The following LRP1B variants were observed in gnomAD, a reference collection of about 807,000 sequenced individuals.
The protein encoded by LRP1B is LDL receptor related protein 1B.
LRP1B carries 217 observed loss-of-function variants against 556.6 expected under a neutral mutation model. That is an observed-to-expected ratio of 0.39 (90% CI 0.35 to 0.44). The LOEUF is 0.44. LRP1B is among the 20% of genes least tolerant of loss of function. The pLI, the probability that LRP1B is intolerant of heterozygous loss-of-function variation, is 1.00. For synonymous variants in LRP1B, 2,047 were observed against 1,865.8 expected (o/e 1.10, Z -2.50); for missense variants, 5,053 against 5,620.8 (o/e 0.90, Z 3.23).
chr2:141,221,506 CAA>C (rs1340597100), intron 6 of LRP1B, among the ~76,000 whole-genome samples: 1 of 151,762 alleles, frequency 6.6e-6, no homozygotes, highest in Non-Finnish European at 1.5e-5. Flanking sequence ...TGAGATAAAA[CAA>C]AAATATTAGA....
In LRP1B at chr2:140,348,495, T is replaced by G. The variant is rs138697732; in HGVS notation, c.11892+2302A>C. On this transcript the variant is annotated intron_variant, in intron 77 of 90. Transcript: ENST00000389484. ...AGTAGAAAATGCACTCCTACTGTTATGCATTTTTCTTCTTTGTGAGTGCTA... is the reference window on the plus strand; with the variant it reads ...AGTAGAAAATGCACTCCTACTGTTAGGCATTTTTCTTCTTTGTGAGTGCTA... 1.4e-3 allele frequency among the ~76,000 whole-genome samples: 218 copies of G among 152,216 alleles called. 1 individual carries two copies. Among genetic ancestry groups the G allele is most frequent in the African/African-American group, 4.7e-3 (194 of 41,574 alleles).
At chr2:141,129,431 G>A (rs2105021760) in intron 7 of LRP1B, among the ~76,000 whole-genome samples, 1 of 152,208 alleles carries the variant, frequency 6.6e-6, no homozygotes, top group African/African-American at 2.4e-5. Context: ...GGAAGAACTT[G>A]TCCAGTCAGA....
chr2:141,271,143 C>T (rs1685075735), intron 3 of LRP1B, among the ~76,000 whole-genome samples: 1 of 151,574 alleles, frequency 6.6e-6, no homozygotes, highest in Non-Finnish European at 1.5e-5. Context: ...TTTCATAGTA[C>T]ATTTTAACTA....
chr2:140,595,746 T>A (rs913199884), intron 43 of LRP1B, among the ~76,000 whole-genome samples: 1 of 152,128 alleles, frequency 6.6e-6, no homozygotes, highest in African/African-American at 2.4e-5. Context: ...GCACATGTAC[T>A]CCCTGAATCT....
At chr2:140,370,957 C>G (rs1682967811) in intron 70 of LRP1B, 115 bp from the exon 71 acceptor site, 1 of 1,155,472 alleles carries the variant, frequency 8.7e-7, no homozygotes, top group African/African-American at 1.6e-5. Flanking sequence ...GGCTTTCTTT[C>G]ATTTTGTCTT....
At chr2:140,577,168 A>C (rs6732761) in intron 43 of LRP1B, among the ~76,000 whole-genome samples, 64,344 of 151,846 alleles carry the variant, frequency 0.42, 13,920 homozygotes, top group Middle Eastern at 0.58. Context: ...TTGAAAGTTA[A>C]GCCAAGTACA....
chr2:140,299,002 C>T (rs1198205353), intron 83 of LRP1B, among the ~76,000 whole-genome samples: 3 of 152,054 alleles, frequency 2.0e-5, no homozygotes, highest in Non-Finnish European at 4.4e-5. Context: ...CAATATCACT[C>T]AGTTGACTAG....
intron 2 of LRP1B, among the ~76,000 whole-genome samples, chr2:141,740,839 A>G (rs1488482196): frequency 6.6e-6 from 1 of 152,118 alleles, no homozygotes; most frequent in Non-Finnish European, 1.5e-5. Flanking sequence ...AGCAAATCAG[A>G]TTGAAAATGT....
chr2:140,352,973 T>A lies in LRP1B; in HGVS notation c.11630A>T (p.Asn3877Ile), dbSNP rs144480841. Reference protein sequence around the residue: ...CVCDQNFQERNNTCIAEGSED... With the variant: ...CVCDQNFQERINTCIAEGSED... ...CTTACCTTCTGCTATGCAGGTGTTA[T>A]TTCTTTCTTGAAAATTCTGGTCACA... The change falls in exon 76 of 91, where the codon AAT (asparagine) becomes ATT (isoleucine). Residue 3877 changes from asparagine (N) to isoleucine (I), a missense_variant. Physicochemically the swap from Asn to Ile is moderately radical, Grantham distance 149 (BLOSUM62 -3). Coordinates refer to ENST00000389484, the MANE Select transcript of LRP1B (RefSeq NM_018557.3). 1 of 1,612,720 alleles carries A rather than the reference T, an allele frequency of 6.2e-7. No individual in the cohort carries two copies. Among genetic ancestry groups the A allele is most frequent in the African/African-American group, 1.3e-5 (1 of 74,986 alleles).
chr2:141,325,239 C>T (rs113265290), intron 3 of LRP1B, among the ~76,000 whole-genome samples: 7 of 151,706 alleles, frequency 4.6e-5, no homozygotes, highest in Admixed American at 6.6e-5. Context: ...GACTAATAAA[C>T]GTGGACTTTG....
chr2:141,423,508 A>C (rs6745748), intron 3 of LRP1B, among the ~76,000 whole-genome samples: 126,179 of 151,684 alleles, frequency 0.83, 52,961 homozygotes, highest in East Asian at 1. Flanking sequence ...TACCCACCCC[A>C]CAAAATATTC....
At chr2:140,248,355 TTTAA>T (rs568569675) in intron 86 of LRP1B, among the ~76,000 whole-genome samples, 204 of 151,846 alleles carry the variant, frequency 1.3e-3, no homozygotes, top group African/African-American at 4.6e-3. Context: ...ATAAGAGTTA[TTTAA>T]TTAATAAATG....
intron 1 of LRP1B, among the ~76,000 whole-genome samples, chr2:142,125,329 G>A (rs1707603690): frequency 6.6e-6 from 1 of 151,640 alleles, no homozygotes; most frequent in Non-Finnish European, 1.5e-5. Flanking sequence ...TAAAATAGAG[G>A]GTTCATATGT....
intron 35 of LRP1B, among the ~76,000 whole-genome samples, chr2:140,752,738 T>C (rs1011376904): frequency 1.3e-5 from 2 of 152,246 alleles, no homozygotes; most frequent in Admixed American, 1.3e-4. Flanking sequence ...TTTCAAACAA[T>C]TTTAGATTCA....
intron 62 of LRP1B, among the ~76,000 whole-genome samples, chr2:140,454,802 A>G (rs1369598680): frequency 6.6e-6 from 1 of 152,128 alleles, no homozygotes; most frequent in Non-Finnish European, 1.5e-5. Flanking sequence ...TGATGCCTGT[A>G]GTGAGGCTGA....
At chr2:141,946,484 T>A (rs1574518470) in intron 1 of LRP1B, among the ~76,000 whole-genome samples, 1 of 152,134 alleles carries the variant, frequency 6.6e-6, no homozygotes, top group African/African-American at 2.4e-5. Flanking sequence ...AAAGTCTAGG[T>A]ATTAGCCACA....
chr2:140,754,311 G>T (rs747191889), intron 35 of LRP1B, among the ~76,000 whole-genome samples: 2 of 152,166 alleles, frequency 1.3e-5, no homozygotes, highest in Non-Finnish European at 2.9e-5. Flanking sequence ...CCCCTCTGGA[G>T]TGAGAAGAAA....
chr2:141,951,714 A>G (rs565929575), intron 1 of LRP1B, among the ~76,000 whole-genome samples: 9 of 152,256 alleles, frequency 5.9e-5, no homozygotes, highest in African/African-American at 2.2e-4. Flanking sequence ...TCATATATAG[A>G]CAATTGGATT....
intron 1 of LRP1B, among the ~76,000 whole-genome samples, chr2:141,881,512 G>A: frequency 6.6e-6 from 1 of 152,020 alleles, no homozygotes; most frequent in Admixed American, 6.6e-5. Flanking sequence ...AGTAGGCATG[G>A]AGTTTGGGAA....
Sources: gnomAD v4.1 joint callset for allele counts (sites outside exome capture counted in the v4.1 genomes callset) on GRCh38, gnomAD v4.1.1 for gene constraint, MANE v1.5 for transcripts, NCBI Gene and HGNC (gene_info 2026-07-23, HGNC 2026-07-21) for gene names.